The following NRG1 variants were observed in gnomAD, a reference collection of about 807,000 sequenced individuals.
The protein encoded by NRG1 is pro-neuregulin-1, membrane-bound isoform.
In NRG1, 18 loss-of-function variants were observed where a neutral mutation model predicts 63.8. The observed-to-expected ratio is 0.28, with a 90% CI of 0.19 to 0.42. NRG1 has a LOEUF of 0.42. Among genes scored for constraint, NRG1 ranks in the 10% least tolerant of loss-of-function variants. NRG1 has a pLI of 1.00. For synonymous variants in NRG1, 302 were observed against 301.3 expected, an observed-to-expected ratio of 1.00 and a Z score of -0.02; for missense variants, 762 against 814.7, an observed-to-expected ratio of 0.94 and a Z score of 0.79.
At chr8:32,069,965 G>T (rs1225318019) in intron 1 of NRG1, among the ~76,000 whole-genome samples, 3 of 152,108 alleles carry the variant, frequency 2.0e-5, no homozygotes, top group African/African-American at 4.8e-5. Flanking sequence ...GTTCATCCTC[G>T]GTAGAGAGTC....
chr8:32,317,209 C>G (rs1857502842), intron 1 of NRG1, among the ~76,000 whole-genome samples: 1 of 152,036 alleles, frequency 6.6e-6, no homozygotes, highest in African/African-American at 2.4e-5. Flanking sequence ...AGAAAGAGAT[C>G]CAGAGAAGAA....
At chr8:32,725,353 T>A (rs970985697) in intron 5 of NRG1, among the ~76,000 whole-genome samples, 2 of 151,996 alleles carry the variant, frequency 1.3e-5, no homozygotes, top group Non-Finnish European at 2.9e-5. Context: ...CATTCAGCAC[T>A]GTCATCTGGG....
intron 9 of NRG1, among the ~76,000 whole-genome samples, chr8:32,758,470 G>A (rs1009519400): frequency 2.0e-5 from 3 of 150,622 alleles, no homozygotes; most frequent in Non-Finnish European, 3.0e-5. Context: ...CCAACTACTC[G>A]GGAGGGTGAG....
chr8:32,098,656 G>T (rs1034237256), intron 1 of NRG1: 4 of 152,160 alleles, frequency 2.6e-5, no homozygotes, highest in African/African-American at 9.6e-5. Flanking sequence ...CCTGGCTTTT[G>T]TAACTCTCAG....
At chr8:32,767,352 C>T (rs369192234) in exon 12 of NRG1, 13 of 152,114 alleles carry the variant, frequency 8.5e-5, no homozygotes, top group African/African-American at 3.1e-4. Context: ...ATGGCTCACA[C>T]TGGTGAAAAT....
At position 32,082,202 on chromosome 8, in the gene NRG1, G is replaced by GTTT. The variant is rs11385699; in HGVS notation, c.37+442780_37+442782dup. On this transcript the variant is annotated intron_variant, in intron 1 of 10. Coordinates refer to the NRG1 transcript ENST00000519301. ...ATAGGAGTATGTTTTCAACCTAGTG[G>GTTT]TTTTTTTTTTTAATTTTTATTTTAG... Among the ~76,000 whole-genome samples the GTTT allele has an allele frequency of 5.4e-5, 8 of 147,792 alleles. No individual in the cohort carries two copies. The South Asian group carries it at 6.5e-4, about 12-fold the overall frequency.
intron 1 of NRG1, among the ~76,000 whole-genome samples, chr8:32,038,323 T>C (rs1740392541): frequency 6.6e-6 from 1 of 151,996 alleles, no homozygotes; most frequent in African/African-American, 2.4e-5. Context: ...ATCTAGTCAG[T>C]CCCAATTAGA....
intron 1 of NRG1, among the ~76,000 whole-genome samples, chr8:32,421,476 C>A (rs1344218786): frequency 1.3e-5 from 2 of 152,110 alleles, no homozygotes; most frequent in South Asian, 2.1e-4. Context: ...AGGCACGCCG[C>A]ATGATGAGTG....
At chr8:32,766,672 T>G (rs1831455491) in exon 12 of NRG1, 1 of 152,216 alleles carries the variant, frequency 6.6e-6, no homozygotes. Flanking sequence ...CAATGAGAAT[T>G]GCTATGCATT....
intron 1 of NRG1, among the ~76,000 whole-genome samples, chr8:32,016,965 T>C (rs1020115586): frequency 6.6e-6 from 1 of 152,184 alleles, no homozygotes; most frequent in Non-Finnish European, 1.5e-5. Flanking sequence ...TCCAAGATTT[T>C]CCAGAGAAAT....
intron 5 of NRG1, among the ~76,000 whole-genome samples, chr8:32,693,100 G>C (rs1288934009): frequency 6.6e-6 from 1 of 152,046 alleles, no homozygotes; most frequent in Non-Finnish European, 1.5e-5. Flanking sequence ...GAGGGTTGCT[G>C]TTTGCACATA....
At chr8:32,466,769 T>C (rs1301562610) in intron 1 of NRG1, among the ~76,000 whole-genome samples, 1 of 152,114 alleles carries the variant, frequency 6.6e-6, no homozygotes, top group Non-Finnish European at 1.5e-5. Context: ...TCTGCTTGGA[T>C]GGACTCACTT....
At position 31,985,361 on chromosome 8, in the gene NRG1, T is replaced by C. The variant is rs546988848; in HGVS notation, c.37+345930T>C. On this transcript the variant is annotated intron_variant, in intron 1 of 10. Transcript: ENST00000519301. ...ATTTTTAGGCAAAATTTTCTACCCA[T>C]GATTAGCGAGCATTTATAGAAAGAA... Among the ~76,000 whole-genome samples the C allele has an allele frequency of 4.5e-4, 69 of 152,180 alleles. 1 individual carries two copies. Among genetic ancestry groups the C allele is most frequent in the Admixed American group, 9.2e-4 (14 of 15,288 alleles).
chr8:32,261,763 A>G (rs1850404997), intron 1 of NRG1, among the ~76,000 whole-genome samples: 1 of 152,220 alleles, frequency 6.6e-6, no homozygotes, highest in Non-Finnish European at 1.5e-5. Flanking sequence ...TCAATTTTCT[A>G]TACCCTAATT....
intron 1 of NRG1, among the ~76,000 whole-genome samples, chr8:32,572,476 C>T (rs573609512): frequency 4.6e-5 from 7 of 152,202 alleles, no homozygotes; most frequent in African/African-American, 7.2e-5. Flanking sequence ...ATAATAATCC[C>T]GTCACAGTTC....
At chr8:32,259,254 G>A (rs986420384) in intron 1 of NRG1, among the ~76,000 whole-genome samples, 2 of 152,204 alleles carry the variant, frequency 1.3e-5, no homozygotes, top group African/African-American at 4.8e-5. Context: ...CATTGTAATG[G>A]TATTAGGAGA....
At chr8:32,363,742 A>G (rs1394395377) in intron 1 of NRG1, among the ~76,000 whole-genome samples, 3 of 152,172 alleles carry the variant, frequency 2.0e-5, no homozygotes, top group African/African-American at 7.2e-5. Context: ...TAAAAACAAC[A>G]AATGGGCCCT....
At chr8:32,188,034 A>T (rs1039343157) in intron 1 of NRG1, among the ~76,000 whole-genome samples, 9 of 152,124 alleles carry the variant, frequency 5.9e-5, no homozygotes, top group African/African-American at 2.2e-4. Context: ...CTGCAAGATA[A>T]TGTCTTATTC....
chr8:32,034,923 G>A (rs1818806648), intron 1 of NRG1, among the ~76,000 whole-genome samples: 2 of 150,554 alleles, frequency 1.3e-5, no homozygotes, highest in South Asian at 2.1e-4. Flanking sequence ...TATTTTTAAA[G>A]GTTTTTTGTG....
Sources: allele counts gnomAD v4.1 joint callset (sites outside exome capture counted in the v4.1 genomes callset), GRCh38; gene constraint gnomAD v4.1.1; transcripts MANE v1.5; gene names NCBI Gene and HGNC (gene_info 2026-07-23, HGNC 2026-07-21).